The following BRWD1 variants were observed in gnomAD, a reference collection of about 807,000 sequenced individuals.
The protein encoded by BRWD1 is bromodomain and WD repeat domain containing 1.
Under a neutral mutation model 251.2 loss-of-function variants are expected in BRWD1, and 82 were observed. The observed-to-expected ratio is 0.33, with a 90% CI of 0.27 to 0.39. The LOEUF is 0.39. BRWD1 is among the 10% of genes least tolerant of loss of function. The pLI, the probability that BRWD1 is intolerant of heterozygous loss-of-function variation, is 1.00. For missense variants in BRWD1, 2,233 were observed against 2,711.6 expected, an observed-to-expected ratio of 0.82 and a Z score of 3.92; for synonymous variants, 918 against 902.8, an observed-to-expected ratio of 1.02 and a Z score of -0.30.
chr21:39,271,046 G>T (rs2035081005), intron 13 of BRWD1, among the ~76,000 whole-genome samples: 1 of 152,170 alleles, frequency 6.6e-6, no homozygotes, highest in Non-Finnish European at 1.5e-5. Flanking sequence ...TGTAATCCCA[G>T]CATCTTGGGA....
chr21:39,195,889 A>C lies in BRWD1; in HGVS notation c.*370T>G. 1.0e-6 allele frequency: 1 copy of C among 1,003,120 alleles called. No homozygotes were observed. The highest frequency in any genetic ancestry group is 4.5e-5 in the South Asian group (1 of 22,422). The allele number at this position is 1,003,120 out of a possible 1,614,324, so 62.1% of individuals were successfully genotyped here. A position where few individuals can be genotyped will look rare whatever the true frequency, so the allele number is the denominator to read the frequency against. On this transcript the variant is annotated 3_prime_UTR_variant, in exon 41 of 41. Transcript: ENST00000342449. ...TACTATAGAACAGGGGTTAGAAACT[A>C]CTGCCTCTTTGACAAATTCAGAAAA...
chr21:39,191,722 C>A lies in BRWD1; in HGVS notation c.*4537G>T. The A allele has an allele frequency of 1.0e-6, 1 of 985,168 alleles. No homozygotes were observed. The highest frequency in any genetic ancestry group is 1.7e-5 in the African/African-American group (1 of 57,290). 61.0% of individuals were successfully genotyped at this position (985,168 alleles called of 1,614,324 possible). ...TTTTAAAATGATTTACCTTGTAAAA[C>A]AAAGGGGTAGAGCTGCTACAGTCCA... On this transcript the variant is annotated 3_prime_UTR_variant, in exon 41 of 41. Coordinates refer to ENST00000342449, the MANE Select transcript of BRWD1 (RefSeq NM_033656.4).
chr21:39,263,253 G>A (rs950342379), intron 17 of BRWD1, among the ~76,000 whole-genome samples: 5 of 152,154 alleles, frequency 3.3e-5, no homozygotes, highest in African/African-American at 1.2e-4. Context: ...ATATATAGCT[G>A]GTGATTTAGT....
chr21:39,191,891 A>C lies in BRWD1; in HGVS notation c.*4368T>G, dbSNP rs2031572211. ...TGACATAACTAAAATATGACCAGAA[A>C]GTATACCATAGCATTGATAATTAAA... is the stretch of plus-strand genomic sequence containing the variant. On this transcript the variant is annotated 3_prime_UTR_variant, in exon 41 of 41. Transcript: ENST00000342449. The C allele has an allele frequency of 2.0e-6, 2 of 983,184 alleles. No individual in the cohort carries two copies. Among genetic ancestry groups the C allele is most frequent in the African/African-American group, 3.5e-5 (2 of 57,178 alleles). The allele number at this position is 983,184 out of a possible 1,614,324, so 60.9% of individuals were successfully genotyped here. A position where few individuals can be genotyped will look rare whatever the true frequency, so the allele number is the denominator to read the frequency against.
Position 39,200,326 on chromosome 21 carries a change from T to G in BRWD1, c.4646A>C (p.Glu1549Ala). The G allele has an allele frequency of 6.2e-7, 1 of 1,614,160 alleles. No homozygotes were observed. Among genetic ancestry groups the G allele is most frequent in the Non-Finnish European group, 8.5e-7 (1 of 1,180,010 alleles). ...SLSSSASSSS[E>A]ESKESSRARE... is the part of the protein sequence containing the mutation. ...AGCTCTGGAACTCTCTTTGCTTTCC[T>G]CAGAACTACTGGAAGCTGACGATGA... Residue 1549 changes from glutamate to alanine, a missense_variant, in exon 39 of 41, where the codon GAG becomes GCG. By Grantham distance (107) the Glu-to-Ala change is moderately radical. Coordinates refer to ENST00000342449, the MANE Select transcript of BRWD1 (RefSeq NM_033656.4).
intron 18 of BRWD1, among the ~76,000 whole-genome samples, chr21:39,257,556 T>TA (rs1178308417): frequency 2.6e-5 from 4 of 151,716 alleles, no homozygotes; most frequent in Admixed American, 1.3e-4. Flanking sequence ...TTTTTTTTTT[T>TA]AAAAAAGGCC....
intron 14 of BRWD1, 57 bp from the exon 15 acceptor site, chr21:39,270,090 T>C (rs1310341336): frequency 1.4e-6 from 2 of 1,412,666 alleles, no homozygotes; most frequent in Non-Finnish European, 1.9e-6. Flanking sequence ...AATTGAAAAT[T>C]TAAAAATACA....
At chr21:39,305,700 T>TA (rs2036263661) in intron 4 of BRWD1, among the ~76,000 whole-genome samples, 1 of 152,022 alleles carries the variant, frequency 6.6e-6, no homozygotes, top group African/African-American at 2.4e-5. Context: ...CTGTCTCTAC[T>TA]AAAAATTCAA....
At chr21:39,210,640 A>G (rs2146494028) in intron 35 of BRWD1, 146 bp downstream of exon 35, 1 of 895,966 alleles carries the variant, frequency 1.1e-6, no homozygotes, top group East Asian at 2.8e-5. Flanking sequence ...ATGTAAAAAC[A>G]ATACTTCTAC....
At chr21:39,197,501 G>C (rs1053070029) in intron 40 of BRWD1, 86 bp from the exon 41 acceptor site, 3 of 1,143,580 alleles carry the variant, frequency 2.6e-6, no homozygotes, top group Middle Eastern at 2.6e-4. Context: ...TTCAGAATTC[G>C]TATTAATTTG....
intron 29 of BRWD1, 82 bp downstream of exon 29, chr21:39,224,326 C>A: frequency 1.3e-6 from 1 of 767,860 alleles, no homozygotes; most frequent in South Asian, 2.2e-5. Context: ...TCATAGAATA[C>A]AAATATGTTT....
chr21:39,293,233 G>A (rs1035707942), intron 8 of BRWD1, among the ~76,000 whole-genome samples: 6 of 152,082 alleles, frequency 3.9e-5, no homozygotes, highest in African/African-American at 7.2e-5. Context: ...GGTGGCTCAC[G>A]CCTGTAATCC....
intron 4 of BRWD1, among the ~76,000 whole-genome samples, chr21:39,299,369 T>G (rs1354480179): frequency 6.6e-6 from 1 of 152,160 alleles, no homozygotes; most frequent in African/African-American, 2.4e-5. Context: ...CATGGATAAC[T>G]GGTTCTCAAC....
Position 39,313,108 on chromosome 21 carries a change from C to T in BRWD1, c.109-7G>A. 1 of 1,496,350 alleles carries T rather than the reference C, an allele frequency of 6.7e-7. No individual in the cohort carries two copies. The highest frequency in any genetic ancestry group is 2.8e-5 in the East Asian group (1 of 35,738). The allele number at this position is 1,496,350 out of a possible 1,614,324, so 92.7% of individuals were successfully genotyped here. A position where few individuals can be genotyped will look rare whatever the true frequency, so the allele number is the denominator to read the frequency against. ...CCAGCTCCTGCACCAGCACCTGCGG[C>T]CGAGAGACGCGCGGTCAGGGGTGGG... On this transcript the variant is annotated splice_region_variant and splice_polypyrimidine_tract_variant and intron_variant, in intron 2 of 40. Coordinates refer to ENST00000342449, the MANE Select transcript of BRWD1 (RefSeq NM_033656.4).
chr21:39,258,383 G>A (rs1367632693), intron 18 of BRWD1, 104 bp downstream of exon 18: 2 of 992,088 alleles, frequency 2.0e-6, no homozygotes, highest in Admixed American at 2.8e-5. Context: ...AAAATACATT[G>A]TTTACTTAAG....
intron 4 of BRWD1, among the ~76,000 whole-genome samples, chr21:39,310,058 T>C (rs908087688): frequency 7.2e-5 from 11 of 152,212 alleles, no homozygotes; most frequent in African/African-American, 2.7e-4. Flanking sequence ...GCAGACAATA[T>C]GCAACATTCT....
At chr21:39,238,375 G>T in intron 22 of BRWD1, 104 bp downstream of exon 22, 22 of 762,564 alleles carry the variant, frequency 2.9e-5, no homozygotes, top group East Asian at 6.4e-5. Flanking sequence ...ATTAAAAACT[G>T]TTCCACAGTT....
In BRWD1 at chr21:39,309,028, G is replaced by T. The variant is rs146091462; in HGVS notation, c.198+3813C>A. On this transcript the variant is annotated intron_variant, in intron 4 of 40. Coordinates refer to ENST00000342449, the MANE Select transcript of BRWD1 (RefSeq NM_033656.4). ...GTCTCTACTAAAACTACGAAAATTAGCTGGGCATAGTGGTGTGCGCCTGTA... is the reference window on the plus strand; with the variant it reads ...GTCTCTACTAAAACTACGAAAATTATCTGGGCATAGTGGTGTGCGCCTGTA... Among the ~76,000 whole-genome samples the T allele has an allele frequency of 1.3e-3, 196 of 152,164 alleles. 2 individuals are homozygous for T. Among genetic ancestry groups the T allele is most frequent in the Non-Finnish European group, 1.2e-3 (81 of 68,010 alleles).
chr21:39,313,661 A>G (rs971095487), upstream of BRWD1: 37 of 446,878 alleles, frequency 8.3e-5, no homozygotes, highest in Admixed American at 1.0e-3. Flanking sequence ...GGGAGGAAGT[A>G]GTTCCTCCGC....
Sources: allele counts gnomAD v4.1 joint callset (sites outside exome capture counted in the v4.1 genomes callset), GRCh38; gene constraint gnomAD v4.1.1; transcripts MANE v1.5; gene names NCBI Gene and HGNC (gene_info 2026-07-23, HGNC 2026-07-21).